The following EYS variants were observed in gnomAD, a reference collection of about 807,000 sequenced individuals.
The protein encoded by EYS is EGF-like photoreceptor maintenance factor.
In EYS, 250 loss-of-function variants were observed where a neutral mutation model predicts 282.1. The ratio of observed to expected loss-of-function variants is 0.89; its 90% CI spans 0.80 to 0.98. The LOEUF (loss-of-function observed/expected upper bound fraction) is 0.98, where lower values mean the gene tolerates loss of function less well. Ranked by LOEUF, EYS falls within the 50% of genes least tolerant of loss-of-function variation. The pLI is 0.00. For missense variants in EYS, 4,016 were observed against 3,709.0 expected (o/e 1.08, Z -2.15); for synonymous variants, 1,355 against 1,282.9 (o/e 1.06, Z -1.20).
intron 2 of EYS, among the ~76,000 whole-genome samples, chr6:65,525,765 A>C (rs1767534718): frequency 6.6e-6 from 1 of 152,232 alleles, no homozygotes; most frequent in Non-Finnish European, 1.5e-5. Flanking sequence ...GCCTCATGGC[A>C]ATGAGTGCTC....
intron 12 of EYS, among the ~76,000 whole-genome samples, chr6:65,182,972 G>GTATTTTTTTA (rs906302849): frequency 6.6e-5 from 10 of 151,516 alleles, no homozygotes; most frequent in Non-Finnish European, 1.5e-4. Context: ...GTATTTTTTT[G>GTATTTTTTTA]TAGAGACAGG....
At chr6:65,256,231 T>C (rs554611010) in intron 12 of EYS, among the ~76,000 whole-genome samples, 119 of 151,336 alleles carry the variant, frequency 7.9e-4, no homozygotes, top group Admixed American at 5.9e-3. Context: ...TAATGTTAAA[T>C]GAAATAAGCC....
At chr6:64,653,724 C>T (rs1768646225) in intron 22 of EYS, among the ~76,000 whole-genome samples, 1 of 108,238 alleles carries the variant, frequency 9.2e-6, no homozygotes, top group Non-Finnish European at 1.9e-5. Flanking sequence ...ACCACCATGC[C>T]CAGCTATTTT....
At position 64,989,784 on chromosome 6, in the gene EYS, T is replaced by C. The variant is rs924206850; in HGVS notation, c.2259+7798A>G. Among the ~76,000 whole-genome samples, 41 of 123,412 alleles carry C rather than the reference T, an allele frequency of 3.3e-4. 3 individuals are homozygous for C. Among genetic ancestry groups the C allele is most frequent in the African/African-American group, 3.1e-5 (1 of 32,184 alleles). 81.0% of individuals were successfully genotyped at this position (123,412 alleles called of 152,430 possible). A position where few individuals can be genotyped will look rare whatever the true frequency, so the allele number is the denominator to read the frequency against. ...CTTATAAATATAAAAATATATAACA[T>C]AGAATATATATTCATACACACACAC... On this transcript the variant is annotated intron_variant, in intron 14 of 42. Coordinates refer to ENST00000503581, the MANE Select transcript of EYS (RefSeq NM_001142800.2).
At chr6:64,187,622 A>G (rs186538777) in intron 31 of EYS, among the ~76,000 whole-genome samples, 339 of 152,214 alleles carry the variant, frequency 2.2e-3, no homozygotes, top group African/African-American at 7.6e-3. Flanking sequence ...TACCTACCCA[A>G]CAGAATAGTA....
intron 22 of EYS, among the ~76,000 whole-genome samples, chr6:64,750,033 A>G (rs1290541760): frequency 2.0e-5 from 3 of 152,006 alleles, no homozygotes; most frequent in African/African-American, 4.8e-5. Context: ...GTCATTTGGG[A>G]TTAATTTGAC....
At chr6:64,391,645 C>G (rs1178578707) in intron 28 of EYS, among the ~76,000 whole-genome samples, 1 of 152,080 alleles carries the variant, frequency 6.6e-6, no homozygotes, top group Non-Finnish European at 1.5e-5. Context: ...TGGAAAGGAA[C>G]AACCCGTACC....
intron 35 of EYS, among the ~76,000 whole-genome samples, chr6:63,911,178 G>A (rs79326584): frequency 4.3e-4 from 64 of 150,552 alleles, no homozygotes; most frequent in Admixed American, 1.1e-3. Flanking sequence ...AATTGCAGTC[G>A]CTTTTCCCAC....
At chr6:65,148,092 C>A (rs1027280767) in intron 12 of EYS, among the ~76,000 whole-genome samples, 3 of 152,028 alleles carry the variant, frequency 2.0e-5, no homozygotes, top group Non-Finnish European at 4.4e-5. Context: ...TGTCATTCCA[C>A]CCCCAGCCCA....
rs148432678 is a variant in EYS at position 65,332,552 on chromosome 6, G to A, written c.1766+2428C>T. 14 of 709,906 alleles carry A rather than the reference G, an allele frequency of 2.0e-5. No individual in the cohort carries two copies. The East Asian group carries it at 3.9e-4, about 20-fold the overall frequency. The allele number at this position is 709,906 out of a possible 1,614,324, so 44.0% of individuals were successfully genotyped here. A position where few individuals can be genotyped will look rare whatever the true frequency, so the allele number is the denominator to read the frequency against. ...CATTGATCTTAGTGGTATACAGAGG[G>A]TTTATAGTGCTATATAGAGGGATTG... On this transcript the variant is annotated intron_variant, in intron 11 of 42. Transcript: ENST00000503581.
intron 12 of EYS, among the ~76,000 whole-genome samples, chr6:65,224,396 A>G (rs1013065942): frequency 3.9e-5 from 6 of 152,226 alleles, no homozygotes; most frequent in Non-Finnish European, 7.3e-5. Flanking sequence ...GCCAAAACTT[A>G]CAGACTGCGG....
intron 31 of EYS, among the ~76,000 whole-genome samples, chr6:64,119,416 A>G (rs144646697): frequency 3.9e-4 from 59 of 152,298 alleles, no homozygotes; most frequent in African/African-American, 1.3e-3. Context: ...TAATCACTAA[A>G]AGTTACCTAC....
chr6:64,841,411 T>C (rs1236942089), intron 19 of EYS, among the ~76,000 whole-genome samples: 1 of 152,154 alleles, frequency 6.6e-6, no homozygotes, highest in African/African-American at 2.4e-5. Flanking sequence ...TCATGCCAAA[T>C]ATAAAATAAG....
At chr6:64,218,516 T>C (rs1427596080) in intron 31 of EYS, among the ~76,000 whole-genome samples, 1 of 152,174 alleles carries the variant, frequency 6.6e-6, no homozygotes, top group African/African-American at 2.4e-5. Context: ...CAACCCTTAG[T>C]AATTTTTCAT....
At chr6:64,800,166 G>T (rs1365196351) in intron 22 of EYS, among the ~76,000 whole-genome samples, 1 of 151,976 alleles carries the variant, frequency 6.6e-6, no homozygotes, top group Admixed American at 6.6e-5. Context: ...CCTACAAAAG[G>T]TATTGCTAAA....
At chr6:63,788,943 C>G in intron 38 of EYS, 115 bp downstream of exon 38, 1 of 1,032,878 alleles carries the variant, frequency 9.7e-7, no homozygotes, top group South Asian at 1.7e-5. Context: ...GTACAATAGT[C>G]TGTGAACTTC....
chr6:64,352,641 A>G (rs918582805), intron 29 of EYS, among the ~76,000 whole-genome samples: 5 of 151,558 alleles, frequency 3.3e-5, no homozygotes, highest in Non-Finnish European at 7.4e-5. Context: ...AGTTGGTTGA[A>G]TGAGTGATTT....
In EYS at chr6:65,140,347, GA is replaced by G. The variant is rs201686545; in HGVS notation, c.2024-82621del. ...TAAAATGAATAATAGAAAATAAACT[GA>G]AAAAAAAATCATGAACTGAACTTCA... On this transcript the variant is annotated intron_variant, in intron 12 of 42. Transcript: ENST00000503581. Among the ~76,000 whole-genome samples, 116 of 149,752 alleles carry G rather than the reference GA, an allele frequency of 7.7e-4. 1 individual carries two copies. The East Asian group carries it at 0.019, about 24-fold the overall frequency.
At chr6:64,451,017 T>C (rs1017427465) in intron 26 of EYS, among the ~76,000 whole-genome samples, 6 of 151,956 alleles carry the variant, frequency 3.9e-5, no homozygotes, top group Admixed American at 6.6e-5. Flanking sequence ...CGAGCAGAAC[T>C]GAAGGAAATA....
Sources: allele counts gnomAD v4.1 joint callset (sites outside exome capture counted in the v4.1 genomes callset), GRCh38; gene constraint gnomAD v4.1.1; transcripts MANE v1.5; gene names NCBI Gene and HGNC (gene_info 2026-07-23, HGNC 2026-07-21).